Variants in HCFC2 observed in about 807,000 individuals in gnomAD.
HCFC2 encodes the protein host cell factor 2.
HCFC2 carries 18 observed loss-of-function variants against 89.2 expected under a neutral mutation model. That is an observed-to-expected ratio of 0.20 (90% CI 0.14 to 0.30). The LOEUF is 0.30. Among genes scored for constraint, HCFC2 ranks in the 10% least tolerant of loss-of-function variants. The probability of loss-of-function intolerance (pLI) is 1.00; values close to 1 mark genes in which losing one functional copy is unlikely to be tolerated. For missense variants in HCFC2, 578 were observed against 956.1 expected, an observed-to-expected ratio of 0.60 and a Z score of 5.21; for synonymous variants, 308 against 335.7, an observed-to-expected ratio of 0.92 and a Z score of 0.90.
At chr12:104,076,760 C>T (rs540198779) in intron 3 of HCFC2, among the ~76,000 whole-genome samples, 4 of 148,304 alleles carry the variant, frequency 2.7e-5, no homozygotes, top group Admixed American at 2.0e-4. Context: ...TTTTATTCTG[C>T]GCTTGTATTT....
Position 104,070,035 on chromosome 12 carries a change from T to A in HCFC2, c.473+1928T>A, listed in dbSNP as rs575720919. ...CCCTGCAAAGGACATGAACTCTTTT[T>A]TTTTTGAGACAGAATCTCGCTCTGT... is the stretch of plus-strand genomic sequence containing the variant. On this transcript the variant is annotated intron_variant, in intron 3 of 14. Coordinates refer to ENST00000229330, the MANE Select transcript of HCFC2 (RefSeq NM_013320.3). 9.6e-4 allele frequency among the ~76,000 whole-genome samples: 146 copies of A among 152,280 alleles called. 5 individuals carry two copies. The South Asian group carries it at 0.029, about 31-fold the overall frequency.
rs1484667869 is a variant in HCFC2, at chr12:104,093,529, T to C, written c.1428T>C (p.Asn476=). 6.2e-7 allele frequency: 1 copy of C among 1,612,940 alleles called. No individual in the cohort carries two copies. Among genetic ancestry groups the C allele is most frequent in the Non-Finnish European group, 8.5e-7 (1 of 1,179,324 alleles). ...PSLASNASNH[N]SHVVDMLRKN... ...TGGCATCAAATGCTTCTAATCATAA[T>C]AGTCATGTGGTGGATATGCTAAGGA... is the stretch of plus-strand genomic sequence containing the variant. The change falls in exon 10 of 15, where the codon AAT becomes AAC. Residue 476 remains asparagine, a synonymous_variant. Transcript: ENST00000229330.
In HCFC2 at chr12:104,082,587, A is replaced by C; in HGVS notation, c.855A>C (p.Ser285=). Residue 285 remains serine, a synonymous_variant, in exon 6 of 15, where the codon TCA becomes TCC. Coordinates refer to ENST00000229330, the MANE Select transcript of HCFC2 (RefSeq NM_013320.3). ...ATTGTGAATGGAGATGTACCAGTTC[A>C]TTTTCTTACCTAAATCTGGGTGAGT... ...PHDCEWRCTS[S]FSYLNLDTTE... is the part of the protein sequence containing the mutation. The C allele has an allele frequency of 1.2e-6, 2 of 1,612,572 alleles. No homozygotes were observed. Among genetic ancestry groups the C allele is most frequent in the Non-Finnish European group, 1.7e-6 (2 of 1,178,686 alleles).
At position 104,105,837 on chromosome 12, in the gene HCFC2, T is replaced by G. The variant is rs537311460; in HGVS notation, c.*2564T>G. On this transcript the variant is annotated 3_prime_UTR_variant, in exon 15 of 15. Coordinates refer to ENST00000229330, the MANE Select transcript of HCFC2 (RefSeq NM_013320.3). ...GTAGCAGTAGGCTGTATCATGCAGA[T>G]ATTTTTCATAGGATTTGCACTGAGT... 6.6e-6 allele frequency: 1 copy of G among 152,206 alleles called. No individual in the cohort carries two copies. Among genetic ancestry groups the G allele is most frequent in the Admixed American group, 6.5e-5 (1 of 15,292 alleles). 9.4% of individuals were successfully genotyped at this position (152,206 alleles called of 1,614,324 possible).
chr12:104,093,051 A>T (rs1384347372), intron 9 of HCFC2, among the ~76,000 whole-genome samples: 1 of 152,036 alleles, frequency 6.6e-6, no homozygotes, highest in Non-Finnish European at 1.5e-5. Context: ...ATTTGACCAG[A>T]CCCAGTAGCT....
Position 104,093,539 on chromosome 12 carries a change from G to T in HCFC2, c.1438G>T (p.Val480Leu). 1.9e-6 allele frequency: 3 copies of T among 1,610,714 alleles called. No homozygotes were observed. The highest frequency in any genetic ancestry group is 8.5e-7 in the Non-Finnish European group (1 of 1,178,672). ...SNASNHNSHV[V>L]DMLRKNEGPH... ...TGCTTCTAATCATAATAGTCATGTG[G>T]TGGATATGCTAAGGAAAAATGAAGG... The change falls in exon 10 of 15, where the codon GTG becomes TTG. Residue 480 changes from valine (V) to leucine (L), a missense_variant. By Grantham distance (32) the Val-to-Leu change is conservative. Coordinates refer to ENST00000229330, the MANE Select transcript of HCFC2 (RefSeq NM_013320.3).
rs1398468398 is a variant in HCFC2, at chr12:104,095,725, ACTTT to A, written c.1666+163_1666+166del. ...AGAGTTTTCATTTGACCTAAATTTA[ACTTT>A]TAGAATCTTTAAGAATTCTTTTTAG... On this transcript the variant is annotated intron_variant, in intron 11 of 14. Coordinates refer to ENST00000229330, the MANE Select transcript of HCFC2 (RefSeq NM_013320.3). The surrounding 1 kb of genome is among the most constrained non-coding windows in gnomAD (Gnocchi z 4.2). Among the ~76,000 whole-genome samples the A allele has an allele frequency of 6.6e-6, 1 of 152,116 alleles. No individual in the cohort carries two copies. The highest frequency in any genetic ancestry group is 2.4e-5 in the African/African-American group (1 of 41,442).
At chr12:104,078,291 G>A (rs374341686) in intron 3 of HCFC2, among the ~76,000 whole-genome samples, 28 of 152,136 alleles carry the variant, frequency 1.8e-4, no homozygotes, top group East Asian at 5.8e-4. Context: ...GTGAGTCACC[G>A]CGCCAGGCCT....
Position 104,098,260 on chromosome 12 carries a change from A to T in HCFC2, c.1741-83A>T, listed in dbSNP as rs1884232863. 4.8e-6 allele frequency: 5 copies of T among 1,044,440 alleles called. No individual in the cohort carries two copies. The Admixed American group carries it at 1.0e-4, about 22-fold the overall frequency. 64.7% of individuals were successfully genotyped at this position (1,044,440 alleles called of 1,614,324 possible). ...TGTTTATCCAAATACCTACTTGTAGATCACTGCATGGACTTATTAAATCTT... is the reference window on the plus strand; with the variant it reads ...TGTTTATCCAAATACCTACTTGTAGTTCACTGCATGGACTTATTAAATCTT... On this transcript the variant is annotated intron_variant, in intron 12 of 14. Transcript: ENST00000229330.
At chr12:104,070,184 T>G (rs1345458844) in intron 3 of HCFC2, among the ~76,000 whole-genome samples, 2 of 151,882 alleles carry the variant, frequency 1.3e-5, no homozygotes, top group Non-Finnish European at 2.9e-5. Context: ...CACCACGCCC[T>G]GCTAATTTTT....
rs1308037218 is a variant in HCFC2 at position 104,102,091 on chromosome 12, A to G, written c.2002A>G (p.Ser668Gly). Residue 668 changes from serine (S) to glycine (G), a missense_variant, in exon 14 of 15, where the codon AGT becomes GGT. Physicochemically the swap from Ser to Gly is moderately conservative, Grantham distance 56. Around this residue, in one of 4 missense-constraint regions of HCFC2, gnomAD observed 140 missense variants for 266.4 expected, o/e 0.53. Coordinates refer to ENST00000229330, the MANE Select transcript of HCFC2 (RefSeq NM_013320.3). ...TGGGATAGGTCCTTTCAGCAAAATCAGTGAATTTAAAACTTGTATTCCTGG... is the reference window on the plus strand; with the variant it reads ...TGGGATAGGTCCTTTCAGCAAAATCGGTGAATTTAAAACTTGTATTCCTGG... Reference protein sequence around the residue: ...GCGIGPFSKISEFKTCIPGFP... With the variant: ...GCGIGPFSKIGEFKTCIPGFP... 2.5e-6 allele frequency: 4 copies of G among 1,613,954 alleles called. No individual in the cohort carries two copies. Among genetic ancestry groups the G allele is most frequent in the Middle Eastern group, 1.6e-4 (1 of 6,082 alleles).
chr12:104,075,457 CTT>C (rs35657094), intron 3 of HCFC2, among the ~76,000 whole-genome samples: 14 of 118,040 alleles, frequency 1.2e-4, no homozygotes, highest in Non-Finnish European at 1.4e-4. Flanking sequence ...TGTTCCTAAC[CTT>C]TTTTTTTTTT....
chr12:104,067,356 A>T (rs1883182074), intron 2 of HCFC2, among the ~76,000 whole-genome samples: 1 of 152,140 alleles, frequency 6.6e-6, no homozygotes, highest in South Asian at 2.1e-4. Context: ...GTCTTATTAA[A>T]CCAGACTCAT....
Position 104,103,473 on chromosome 12 carries a change from T to TA in HCFC2, c.*201dup, listed in dbSNP as rs1225807052. On this transcript the variant is annotated 3_prime_UTR_variant, in exon 15 of 15. Transcript: ENST00000229330. ...AGCAAAGACTCTCTGAAAATTAGTA[T>TA]ATGAGTTCTTCCTTACAGATATAGC... is the stretch of plus-strand genomic sequence containing the variant. 1 of 540,036 alleles carries TA rather than the reference T, an allele frequency of 1.9e-6. No homozygotes were observed. Among genetic ancestry groups the TA allele is most frequent in the African/African-American group, 1.9e-5 (1 of 52,764 alleles). The allele number at this position is 540,036 out of a possible 1,614,324, so 33.5% of individuals were successfully genotyped here.
chr12:104,100,707 A>G (rs889906710), intron 13 of HCFC2, among the ~76,000 whole-genome samples: 3 of 152,190 alleles, frequency 2.0e-5, no homozygotes, highest in Non-Finnish European at 4.4e-5. Flanking sequence ...TAGTTGCTCT[A>G]CTATTACTCC....
At chr12:104,084,624 G>A (rs1052858991) in intron 7 of HCFC2, among the ~76,000 whole-genome samples, 2 of 152,180 alleles carry the variant, frequency 1.3e-5, no homozygotes, top group Admixed American at 1.3e-4. Context: ...GAAGTTTTGT[G>A]TAAGTTTGAA....
chr12:104,070,206 TA>T (rs1471336301), intron 3 of HCFC2, among the ~76,000 whole-genome samples: 1 of 152,140 alleles, frequency 6.6e-6, no homozygotes, highest in East Asian at 1.9e-4. Flanking sequence ...GTATTTTTAA[TA>T]GAGACTAACA....
At chr12:104,098,936 C>T (rs1433255111) in intron 13 of HCFC2, among the ~76,000 whole-genome samples, 1 of 151,356 alleles carries the variant, frequency 6.6e-6, no homozygotes, top group Non-Finnish European at 1.5e-5. Context: ...GGAGGTGGAG[C>T]TTGCAGTGAG....
intron 1 of HCFC2, among the ~76,000 whole-genome samples, chr12:104,065,415 A>G (rs1299312308): frequency 2.0e-5 from 3 of 152,226 alleles, no homozygotes; most frequent in Non-Finnish European, 4.4e-5. Flanking sequence ...ACCTCTGTGG[A>G]ATAGAAAGGA....
Sources: allele counts gnomAD v4.1 joint callset (sites outside exome capture counted in the v4.1 genomes callset), GRCh38; gene constraint gnomAD v4.1.1; regional missense constraint gnomAD v4.1.1; non-coding constraint Gnocchi (gnomAD v3.1); transcripts MANE v1.5; gene names NCBI Gene and HGNC (gene_info 2026-07-23, HGNC 2026-07-21).